The following SPPL2A variants were observed in gnomAD, a reference collection of about 807,000 sequenced individuals.
SPPL2A encodes the protein signal peptide peptidase like 2A.
SPPL2A carries 51 observed loss-of-function variants against 63.8 expected under a neutral mutation model. That is an observed-to-expected ratio of 0.80 (90% CI 0.64 to 1.01). The LOEUF (loss-of-function observed/expected upper bound fraction) is 1.01, where lower values mean the gene tolerates loss of function less well. Ranked by LOEUF, SPPL2A falls within the 50% of genes least tolerant of loss-of-function variation. The pLI, the probability that SPPL2A is intolerant of heterozygous loss-of-function variation, is 0.00. For missense variants in SPPL2A, 553 were observed against 622.7 expected, an observed-to-expected ratio of 0.89 and a Z score of 1.19; for synonymous variants, 188 against 205.8, an observed-to-expected ratio of 0.91 and a Z score of 0.74.
intron 1 of SPPL2A, among the ~76,000 whole-genome samples, chr15:50,756,224 G>A (rs1306885841): frequency 6.6e-6 from 1 of 151,688 alleles, no homozygotes; most frequent in Non-Finnish European, 1.5e-5. Context: ...AGCCAGGTGT[G>A]GTGGTGGGCG....
At chr15:50,758,157 T>C (rs1333305969) in intron 1 of SPPL2A, among the ~76,000 whole-genome samples, 1 of 146,684 alleles carries the variant, frequency 6.8e-6, no homozygotes, top group African/African-American at 2.5e-5. Flanking sequence ...GGCAATGTGG[T>C]GGACGCCTGT....
In SPPL2A at chr15:50,703,940, A is replaced by C. The variant is rs1211514768; in HGVS notation, c.*3860T>G. 6.6e-6 allele frequency: 1 copy of C among 152,132 alleles called. No homozygotes were observed. The highest frequency in any genetic ancestry group is 1.5e-5 in the Non-Finnish European group (1 of 68,028). The allele number at this position is 152,132 out of a possible 1,614,324, so 9.4% of individuals were successfully genotyped here. A position where few individuals can be genotyped will look rare whatever the true frequency, so the allele number is the denominator to read the frequency against. The stretch of plus-strand genomic sequence containing the variant: ...TATTATAAATGTATCAATTCACTAA[A>C]ATCTCTATGGACAAGTAAAATATAA... On this transcript the variant is annotated 3_prime_UTR_variant, in exon 15 of 15. Coordinates refer to ENST00000261854, the MANE Select transcript of SPPL2A (RefSeq NM_032802.4).
chr15:50,754,177 A>C (rs565700767), intron 1 of SPPL2A, among the ~76,000 whole-genome samples: 7 of 152,316 alleles, frequency 4.6e-5, no homozygotes, highest in Non-Finnish European at 8.8e-5. Flanking sequence ...GAGTTTTGAC[A>C]TAGCCTCTTA....
intron 5 of SPPL2A, among the ~76,000 whole-genome samples, chr15:50,741,058 G>C (rs984450982): frequency 1.3e-5 from 2 of 152,128 alleles, no homozygotes; most frequent in Admixed American, 6.6e-5. Flanking sequence ...ACGAAATATT[G>C]TATCAACCCT....
At chr15:50,755,333 A>G (rs1340265640) in intron 1 of SPPL2A, among the ~76,000 whole-genome samples, 1 of 151,234 alleles carries the variant, frequency 6.6e-6, no homozygotes, top group East Asian at 1.9e-4. Context: ...AAAAAAAAGC[A>G]AATTTGGAAG....
chr15:50,731,581 T>G (rs1309526943), intron 9 of SPPL2A, among the ~76,000 whole-genome samples: 6 of 151,512 alleles, frequency 4.0e-5, no homozygotes, highest in African/African-American at 1.5e-4. Flanking sequence ...TTCCCTGATA[T>G]TTGGTCATGT....
chr15:50,764,147 A>T (rs1306390188), intron 1 of SPPL2A, among the ~76,000 whole-genome samples: 2 of 152,220 alleles, frequency 1.3e-5, no homozygotes, highest in Non-Finnish European at 2.9e-5. Flanking sequence ...TACGAATGTG[A>T]TATTCATTCT....
At position 50,705,434 on chromosome 15, in the gene SPPL2A, A is replaced by T. The variant is rs1052578278; in HGVS notation, c.*2366T>A. 8 of 152,192 alleles carry T rather than the reference A, an allele frequency of 5.3e-5. No homozygotes were observed. Among genetic ancestry groups the T allele is most frequent in the Admixed American group, 5.2e-4 (8 of 15,264 alleles). The allele number at this position is 152,192 out of a possible 1,614,324, so 9.4% of individuals were successfully genotyped here. ...TCATAAAATGTGATTAAGGCTATTA[A>T]ATATAAAGCTTGGATGAGGGTGCAG... On this transcript the variant is annotated 3_prime_UTR_variant, in exon 15 of 15. Transcript: ENST00000261854.
chr15:50,746,162 A>C (rs1251997781), intron 5 of SPPL2A, among the ~76,000 whole-genome samples: 2 of 149,910 alleles, frequency 1.3e-5, no homozygotes, highest in African/African-American at 4.9e-5. Context: ...CATGGAGGCC[A>C]GGCACAGTGA....
At chr15:50,709,266 G>A (rs1474302978) in intron 14 of SPPL2A, among the ~76,000 whole-genome samples, 1 of 152,106 alleles carries the variant, frequency 6.6e-6, no homozygotes, top group African/African-American at 2.4e-5. Context: ...TTTCAGTATT[G>A]CGATGCACTT....
chr15:50,724,159 A>G (rs996300163), intron 12 of SPPL2A, among the ~76,000 whole-genome samples: 1 of 152,208 alleles, frequency 6.6e-6, no homozygotes, highest in Non-Finnish European at 1.5e-5. Flanking sequence ...GTCAACTTGC[A>G]AGGCAACGCT....
chr15:50,712,678 C>A lies in SPPL2A; in HGVS notation c.1489-4804G>T, dbSNP rs1234914720. Among the ~76,000 whole-genome samples the A allele has an allele frequency of 5.3e-3, 671 of 126,410 alleles. 8 individuals are homozygous for A. Among genetic ancestry groups the A allele is most frequent in the African/African-American group, 0.019 (642 of 34,326 alleles). 82.9% of individuals were successfully genotyped at this position (126,410 alleles called of 152,430 possible). On this transcript the variant is annotated intron_variant, in intron 14 of 14. Coordinates refer to ENST00000261854, the MANE Select transcript of SPPL2A (RefSeq NM_032802.4). ...CTCCCTTCCTCCCTCCCTCCCCCCC[C>A]CTTTTTTTTTTTTTTTCTCGAGGCG...
At chr15:50,759,742 CAAA>C (rs1033241605) in intron 1 of SPPL2A, among the ~76,000 whole-genome samples, 2 of 112,598 alleles carry the variant, frequency 1.8e-5, no homozygotes. Context: ...GACTCTGTCT[CAAA>C]AAAAAAAAAA....
At position 50,736,196 on chromosome 15, in the gene SPPL2A, T is replaced by C. The variant is rs777279069; in HGVS notation, c.837A>G (p.Ala279=). ...TCACTTCCATGTTTTTGCCACGACA[T>C]GCAATCCTAAAAAACAGATTAAAAT... ...HKIPYGQCTI[A]CRGKNMEVRL... Residue 279 remains alanine, a synonymous_variant, in exon 8 of 15, where the codon GCA becomes GCG. Coordinates refer to ENST00000261854, the MANE Select transcript of SPPL2A (RefSeq NM_032802.4). 3.1e-6 allele frequency: 5 copies of C among 1,600,882 alleles called. No individual in the cohort carries two copies. Among genetic ancestry groups the C allele is most frequent in the East Asian group, 2.2e-5 (1 of 44,706 alleles).
At chr15:50,759,509 C>T (rs750246759) in intron 1 of SPPL2A, among the ~76,000 whole-genome samples, 14 of 151,944 alleles carry the variant, frequency 9.2e-5, no homozygotes, top group Non-Finnish European at 1.5e-4. Context: ...TTTGGGAGGC[C>T]GAGGCAGGTG....
intron 14 of SPPL2A, among the ~76,000 whole-genome samples, chr15:50,717,658 C>T (rs141608173): frequency 2.8e-4 from 43 of 152,294 alleles, no homozygotes; most frequent in Non-Finnish European, 5.0e-4. Context: ...CTGTAACTCC[C>T]GTAACCCTCT....
intron 10 of SPPL2A, among the ~76,000 whole-genome samples, chr15:50,727,237 A>G (rs2062694100): frequency 6.6e-6 from 1 of 152,202 alleles, no homozygotes; most frequent in Non-Finnish European, 1.5e-5. Context: ...TTGATTGACT[A>G]ACTATAATAT....
intron 6 of SPPL2A, 94 bp downstream of exon 6, chr15:50,739,586 C>A: frequency 1.2e-6 from 1 of 868,494 alleles, no homozygotes; most frequent in Non-Finnish European, 1.7e-6. Context: ...ATACGTTTTC[C>A]AGGTAGAATG....
At chr15:50,749,877 T>C in intron 1 of SPPL2A, 131 bp from the exon 2 acceptor site, 1 of 643,906 alleles carries the variant, frequency 1.6e-6, no homozygotes, top group East Asian at 2.7e-5. Flanking sequence ...TGAATTTGTT[T>C]CTTCTTGTTT....
Sources: gnomAD v4.1 joint callset for allele counts (sites outside exome capture counted in the v4.1 genomes callset) on GRCh38, gnomAD v4.1.1 for gene constraint, MANE v1.5 for transcripts, NCBI Gene and HGNC (gene_info 2026-07-23, HGNC 2026-07-21) for gene names.